The following MINDY3 variants were observed in gnomAD, a reference collection of about 807,000 sequenced individuals.
MINDY3 encodes the protein ubiquitin carboxyl-terminal hydrolase MINDY-3.
In MINDY3, 38 loss-of-function variants were observed where a neutral mutation model predicts 69.2. The ratio of observed to expected loss-of-function variants is 0.55; its 90% CI spans 0.42 to 0.72. The LOEUF (loss-of-function observed/expected upper bound fraction) is 0.72, where lower values mean the gene tolerates loss of function less well. MINDY3 is among the 30% of genes least tolerant of loss of function. MINDY3 has a pLI of 0.00. For missense variants in MINDY3, 522 were observed against 519.0 expected, an observed-to-expected ratio of 1.01 and a Z score of -0.06; for synonymous variants, 192 against 180.1, an observed-to-expected ratio of 1.07 and a Z score of -0.53.
chr10:15,804,226 C>T (rs1564474572), intron 10 of MINDY3, among the ~76,000 whole-genome samples: 1 of 150,920 alleles, frequency 6.6e-6, no homozygotes, highest in Non-Finnish European at 1.5e-5. Context: ...AGAGGGTTGG[C>T]GGGGGGGCGG....
chr10:15,859,089 T>G (rs1834900128), intron 1 of MINDY3, among the ~76,000 whole-genome samples: 1 of 152,014 alleles, frequency 6.6e-6, no homozygotes, highest in Non-Finnish European at 1.5e-5. Flanking sequence ...TACAACTAAT[T>G]TTTTTCGCCT....
chr10:15,860,423 AAAG>A lies in MINDY3; in HGVS notation c.-127_-125del, dbSNP rs1439956176. On this transcript the variant is annotated 5_prime_UTR_variant, in exon 1 of 15. Coordinates refer to ENST00000277632, the MANE Select transcript of MINDY3 (RefSeq NM_024948.4). ...CAAACGAATTGGAAGGTGAGGCAGG[AAAG>A]AAGAAGGGGCTGAGAGCCACTTGCA... is the stretch of plus-strand genomic sequence containing the variant. 32 of 750,466 alleles carry A rather than the reference AAAG, an allele frequency of 4.3e-5. No homozygotes were observed. Among genetic ancestry groups the A allele is most frequent in the Non-Finnish European group, 7.0e-5 (30 of 430,274 alleles). The allele number at this position is 750,466 out of a possible 1,614,324, so 46.5% of individuals were successfully genotyped here.
intron 9 of MINDY3, 36 bp from the exon 10 acceptor site, chr10:15,816,951 A>C: frequency 6.7e-7 from 1 of 1,495,226 alleles, no homozygotes; most frequent in Non-Finnish European, 9.3e-7. Flanking sequence ...CAAATAAACA[A>C]ATTAAAAATT....
At chr10:15,785,250 TGA>T (rs1267097533) in intron 13 of MINDY3, among the ~76,000 whole-genome samples, 1 of 151,698 alleles carries the variant, frequency 6.6e-6, no homozygotes, top group African/African-American at 2.4e-5. Flanking sequence ...AAGTAAACAG[TGA>T]GAGAGGAACA....
rs542164915 is a variant in MINDY3 at position 15,851,106 on chromosome 10, C to A, written c.95-3163G>T. Among the ~76,000 whole-genome samples the A allele has an allele frequency of 3.1e-4, 47 of 152,266 alleles. No homozygotes were observed. The South Asian group carries it at 9.8e-3, about 32-fold the overall frequency. ...ATCTGAAATGCTGACCACAAACCTG[C>A]GAAACTTTTGTCCCTTGGCTTTTTG... On this transcript the variant is annotated intron_variant, in intron 1 of 14. Transcript: ENST00000277632.
At chr10:15,838,894 C>T (rs1444661517) in intron 4 of MINDY3, among the ~76,000 whole-genome samples, 1 of 151,622 alleles carries the variant, frequency 6.6e-6, no homozygotes, top group African/African-American at 2.4e-5. Flanking sequence ...TTACTAAGTG[C>T]CAGGCCCTTT....
chr10:15,786,500 A>T (rs983698569), intron 13 of MINDY3, 61 bp downstream of exon 13: 8 of 1,030,630 alleles, frequency 7.8e-6, no homozygotes, highest in African/African-American at 3.2e-5. Context: ...AAATGCTGCA[A>T]ACAATCACAG....
At chr10:15,805,695 T>C (rs1040881991) in intron 10 of MINDY3, among the ~76,000 whole-genome samples, 1 of 152,164 alleles carries the variant, frequency 6.6e-6, no homozygotes, top group East Asian at 1.9e-4. Context: ...GGGAGTGACA[T>C]TATGCTAGCT....
chr10:15,851,205 G>C (rs1399195643), intron 1 of MINDY3, among the ~76,000 whole-genome samples: 1 of 152,100 alleles, frequency 6.6e-6, no homozygotes. Flanking sequence ...CCCAGGTCTT[G>C]GTTTTAGGAT....
intron 10 of MINDY3, among the ~76,000 whole-genome samples, chr10:15,816,519 C>CA (rs752986454): frequency 5.3e-5 from 8 of 151,484 alleles, no homozygotes; most frequent in Admixed American, 2.6e-4. Context: ...ATCCTACTTA[C>CA]AAAAAAAGCA....
At chr10:15,801,878 C>G (rs961401703) in intron 10 of MINDY3, among the ~76,000 whole-genome samples, 3 of 151,724 alleles carry the variant, frequency 2.0e-5, no homozygotes, top group African/African-American at 7.3e-5. Flanking sequence ...TGGAGAAATT[C>G]AAGAGCTAAC....
chr10:15,846,926 T>C (rs904921893), intron 2 of MINDY3, among the ~76,000 whole-genome samples: 2 of 152,114 alleles, frequency 1.3e-5, no homozygotes, highest in African/African-American at 4.8e-5. Flanking sequence ...GGTTTCACCA[T>C]GTTAGCCAGG....
intron 8 of MINDY3, 122 bp downstream of exon 8, chr10:15,833,508 T>C: frequency 1.8e-6 from 1 of 561,528 alleles, no homozygotes; most frequent in Non-Finnish European, 3.1e-6. Flanking sequence ...AAAGGATTCT[T>C]CTATTAGAAA....
At chr10:15,798,810 T>C (rs988762065) in intron 10 of MINDY3, among the ~76,000 whole-genome samples, 2 of 151,238 alleles carry the variant, frequency 1.3e-5, no homozygotes, top group African/African-American at 2.5e-5. Flanking sequence ...AAAACCACTA[T>C]GCCAACGTAG....
intron 10 of MINDY3, among the ~76,000 whole-genome samples, chr10:15,814,739 C>T (rs1839239444): frequency 6.6e-6 from 1 of 152,094 alleles, no homozygotes; most frequent in South Asian, 2.1e-4. Context: ...AAACTGTGTG[C>T]TGTTTGACAC....
chr10:15,826,885 C>T lies in MINDY3; in HGVS notation c.731-5159G>A, dbSNP rs372578014. 4.4e-4 allele frequency among the ~76,000 whole-genome samples: 67 copies of T among 152,058 alleles called. No individual in the cohort carries two copies. In the East Asian group the frequency reaches 5.0e-3, roughly 11 times the overall value. On this transcript the variant is annotated intron_variant, in intron 8 of 14. Transcript: ENST00000277632. The stretch of plus-strand genomic sequence containing the variant: ...CTCATACCATTCATAAATACAAAAT[C>T]CAGATAGACTAAAGAGCCAAACATT...
At chr10:15,811,676 T>C (rs1206893182) in intron 10 of MINDY3, among the ~76,000 whole-genome samples, 1 of 152,168 alleles carries the variant, frequency 6.6e-6, no homozygotes, top group Admixed American at 6.5e-5. Flanking sequence ...TTACCTATAA[T>C]ATAGTTAACA....
At chr10:15,846,808 C>T (rs1299970992) in intron 2 of MINDY3, among the ~76,000 whole-genome samples, 1 of 151,200 alleles carries the variant, frequency 6.6e-6, no homozygotes, top group Non-Finnish European at 1.5e-5. Flanking sequence ...ACTGCAACAT[C>T]CACCTCCCAG....
chr10:15,781,315 T>C (rs1024794072), intron 14 of MINDY3, among the ~76,000 whole-genome samples: 1 of 151,242 alleles, frequency 6.6e-6, no homozygotes, highest in Non-Finnish European at 1.5e-5. Context: ...ACAATTTAGA[T>C]ACATGAAGTC....
Sources: allele counts gnomAD v4.1 joint callset (sites outside exome capture counted in the v4.1 genomes callset), GRCh38; gene constraint gnomAD v4.1.1; transcripts MANE v1.5; gene names NCBI Gene and HGNC (gene_info 2026-07-23, HGNC 2026-07-21).